Variants in GID8 observed in about 807,000 individuals in gnomAD.
The protein encoded by GID8 is glucose-induced degradation protein 8 homolog.
In GID8, 6 loss-of-function variants were observed where a neutral mutation model predicts 27.4. That is an observed-to-expected ratio of 0.22 (90% CI 0.12 to 0.43). GID8 has a LOEUF of 0.43. GID8 is among the 20% of genes least tolerant of loss of function. GID8 has a pLI of 1.00. For missense variants in GID8, 173 were observed against 287.6 expected (o/e 0.60, Z 2.88); for synonymous variants, 112 against 109.0 (o/e 1.03, Z -0.17).
chr20:62,943,517 T>C lies in GID8; in HGVS notation c.338T>C (p.Ile113Thr). The C allele has an allele frequency of 6.2e-7, 1 of 1,612,514 alleles. No individual in the cohort carries two copies. The highest frequency in any genetic ancestry group is 2.2e-5 in the East Asian group (1 of 44,878). Reference sequence around the variant, plus strand: ...CAGCAACAGCATTTGATCGAGCTGATCCGCCAGCGGGAGACAGAGGCGGCG... The same window carrying C: ...CAGCAACAGCATTTGATCGAGCTGACCCGCCAGCGGGAGACAGAGGCGGCG... ...HLQQQHLIELIRQRETEAALE... is the reference protein window; with the variant it reads ...HLQQQHLIELTRQRETEAALE... Residue 113 changes from isoleucine (I) to threonine (T), a missense_variant, in exon 4 of 5, where the codon ATC becomes ACC. Ile to Thr is a moderately conservative substitution (Grantham distance 89). Coordinates refer to ENST00000266069, the MANE Select transcript of GID8 (RefSeq NM_017896.3). The surrounding 1 kb of genome is among the most constrained non-coding windows in gnomAD (Gnocchi z 4.7).
rs2065450069 is a variant in GID8, at chr20:62,942,999, A to G, written c.131A>G (p.Glu44Gly). 1 of 1,612,568 alleles carries G rather than the reference A, an allele frequency of 6.2e-7. No homozygotes were observed. The highest frequency in any genetic ancestry group is 8.5e-7 in the Non-Finnish European group (1 of 1,178,698). Residue 44 changes from glutamate to glycine, a missense_variant, in exon 3 of 5, where the codon GAA (glutamate) becomes GGA (glycine). By Grantham distance (98) the Glu-to-Gly change is moderately conservative. Transcript: ENST00000266069. ...TTTTTCTATTCAGAGGGCTTTAAGG[A>G]AGCAGCGGAGAAGTTTCGAATGGAA... ...MNYLVTEGFK[E>G]AAEKFRMESG... is the part of the protein sequence containing the mutation.
chr20:62,945,086 C>T lies in GID8; in HGVS notation c.*174C>T. ...AATGGCCTTTGTAGGCAGTGGAAAACTTGCAAGGAAAGCTGCCGTCTCTTT... is the reference window on the plus strand; with the variant it reads ...AATGGCCTTTGTAGGCAGTGGAAAATTTGCAAGGAAAGCTGCCGTCTCTTT... On this transcript the variant is annotated 3_prime_UTR_variant, in exon 5 of 5. Coordinates refer to ENST00000266069, the MANE Select transcript of GID8 (RefSeq NM_017896.3). The T allele has an allele frequency of 1.4e-6, 2 of 1,410,416 alleles. No individual in the cohort carries two copies. Among genetic ancestry groups the T allele is most frequent in the Non-Finnish European group, 1.8e-6 (2 of 1,085,322 alleles). The allele number at this position is 1,410,416 out of a possible 1,614,324, so 87.4% of individuals were successfully genotyped here.
chr20:62,943,681 C>A lies in GID8; in HGVS notation c.502C>A (p.Gln168Lys). The stretch of plus-strand genomic sequence containing the variant: ...CTTCGGAGACCTCCTCCACACCATG[C>A]AGAGGCAGAAGGTGGGGCCTGCCAG... ...SPFGDLLHTM[Q>K]RQKVWSEVNQ... is the part of the protein sequence containing the mutation. The change falls in exon 4 of 5, where the codon CAG (glutamine) becomes AAG (lysine). Residue 168 changes from glutamine (Q) to lysine (K), a missense_variant. By Grantham distance (53) the Gln-to-Lys change is moderately conservative. Coordinates refer to ENST00000266069, the MANE Select transcript of GID8 (RefSeq NM_017896.3). The surrounding 1 kb of genome is among the most constrained non-coding windows in gnomAD (Gnocchi z 4.7). The A allele has an allele frequency of 6.2e-7, 1 of 1,612,758 alleles. No individual in the cohort carries two copies.
chr20:62,938,404 C>G (rs1313167968), intron 1 of GID8, among the ~76,000 whole-genome samples, 151 bp downstream of exon 1: 1 of 151,688 alleles, frequency 6.6e-6, no homozygotes, highest in African/African-American at 2.4e-5. Flanking sequence ...TTGGGGCGCG[C>G]AGTGAGTCCA....
chr20:62,945,921 G>T lies in GID8; in HGVS notation c.*1009G>T. On this transcript the variant is annotated 3_prime_UTR_variant, in exon 5 of 5. Transcript: ENST00000266069. Reference sequence around the variant, plus strand: ...GGCAGCATCTCATCCTCCATCGTCAGCTGGCTCTGCCGATGTCCTGCTTCT... The same window carrying T: ...GGCAGCATCTCATCCTCCATCGTCATCTGGCTCTGCCGATGTCCTGCTTCT... 7.8e-7 allele frequency: 1 copy of T among 1,289,468 alleles called. No individual in the cohort carries two copies. The highest frequency in any genetic ancestry group is 1.2e-5 in the South Asian group (1 of 81,032). The allele number at this position is 1,289,468 out of a possible 1,614,324, so 79.9% of individuals were successfully genotyped here.
In GID8 at chr20:62,945,979, T is replaced by G; in HGVS notation, c.*1067T>G. The G allele has an allele frequency of 7.8e-7, 1 of 1,289,388 alleles. No individual in the cohort carries two copies. The highest frequency in any genetic ancestry group is 1.0e-6 in the Non-Finnish European group (1 of 988,822). 79.9% of individuals were successfully genotyped at this position (1,289,388 alleles called of 1,614,324 possible). ...CACAGAACTGTCCCCTGCTCCGTGG[T>G]GGGCAGGAGGGAAGTGGTGCAGGGC... On this transcript the variant is annotated 3_prime_UTR_variant, in exon 5 of 5. Coordinates refer to ENST00000266069, the MANE Select transcript of GID8 (RefSeq NM_017896.3).
At position 62,943,225 on chromosome 20, in the gene GID8, T is replaced by TA; in HGVS notation, c.315+44dup. On this transcript the variant is annotated intron_variant, in intron 3 of 4. Transcript: ENST00000266069. The surrounding 1 kb of genome is among the most constrained non-coding windows in gnomAD (Gnocchi z 4.7). ...AGTAGTCTGGTTTGTGAATACTTGA[T>TA]AAGTTAAAGTTATTTGCAATGATTG... The TA allele has an allele frequency of 1.4e-6, 2 of 1,403,028 alleles. No individual in the cohort carries two copies. Among genetic ancestry groups the TA allele is most frequent in the African/African-American group, 1.5e-5 (1 of 68,400 alleles). The allele number at this position is 1,403,028 out of a possible 1,614,324, so 86.9% of individuals were successfully genotyped here.
chr20:62,939,530 A>G (rs772033586), intron 1 of GID8, among the ~76,000 whole-genome samples: 8 of 152,082 alleles, frequency 5.3e-5, no homozygotes, highest in Non-Finnish European at 7.3e-5. Flanking sequence ...AGTCACGTCA[A>G]ACTTGCCCTG....
At chr20:62,938,617 A>C (rs2065419110) in intron 1 of GID8, 1 of 152,178 alleles carries the variant, frequency 6.6e-6, no homozygotes, top group Non-Finnish European at 1.5e-5. Context: ...GCGGGTGAGG[A>C]TGTAAAGTGT....
chr20:62,940,508 C>G (rs1276551664), intron 1 of GID8, among the ~76,000 whole-genome samples: 1 of 152,166 alleles, frequency 6.6e-6, no homozygotes, highest in African/African-American at 2.4e-5. Flanking sequence ...CGCCACCGAG[C>G]ACGGCTAATT....
At chr20:62,941,201 TAA>T (rs529368421) in intron 1 of GID8, among the ~76,000 whole-genome samples, 118 of 152,360 alleles carry the variant, frequency 7.7e-4, no homozygotes, top group Admixed American at 1.2e-3. Context: ...ATAAATGTAT[TAA>T]AAGTAGAATT....
At chr20:62,944,615 A>AT (rs2065457554) in intron 4 of GID8, 124 bp from the exon 5 acceptor site, 2 of 705,006 alleles carry the variant, frequency 2.8e-6, no homozygotes, top group Non-Finnish European at 5.0e-6. Context: ...AGGACTATGT[A>AT]TTTCATGTCC....
chr20:62,942,751 A>G (rs1000257014), intron 2 of GID8, among the ~76,000 whole-genome samples: 8 of 152,188 alleles, frequency 5.3e-5, no homozygotes, highest in Non-Finnish European at 1.2e-4. Context: ...CTCTTTGGCT[A>G]ATGGGTTAGA....
Position 62,945,424 on chromosome 20 carries a change from C to A in GID8, c.*512C>A. ...TGTAAATCCTAATTCAAAGATGGCT[C>A]ATGTGTGAGGGCATTGAGTTTGATT... On this transcript the variant is annotated 3_prime_UTR_variant, in exon 5 of 5. Coordinates refer to ENST00000266069, the MANE Select transcript of GID8 (RefSeq NM_017896.3). 1.0e-6 allele frequency: 1 copy of A among 987,462 alleles called. No homozygotes were observed. The allele number at this position is 987,462 out of a possible 1,614,324, so 61.2% of individuals were successfully genotyped here. A position where few individuals can be genotyped will look rare whatever the true frequency, so the allele number is the denominator to read the frequency against.
At position 62,946,072 on chromosome 20, in the gene GID8, G is replaced by A; in HGVS notation, c.*1160G>A. The A allele has an allele frequency of 8.0e-7, 1 of 1,247,652 alleles. No individual in the cohort carries two copies. Among genetic ancestry groups the A allele is most frequent in the South Asian group, 1.2e-5 (1 of 80,026 alleles). The allele number at this position is 1,247,652 out of a possible 1,614,324, so 77.3% of individuals were successfully genotyped here. On this transcript the variant is annotated 3_prime_UTR_variant, in exon 5 of 5. Transcript: ENST00000266069. ...GCCTTGTAGCTCTGGGCACAGATGT[G>A]TTTGGATTCATTGCAGCGGACCACC...
Position 62,947,775 on chromosome 20 carries a change from G to A in GID8, c.*2863G>A, listed in dbSNP as rs1381110157. The A allele has an allele frequency of 6.6e-6, 1 of 152,242 alleles. No homozygotes were observed. Among genetic ancestry groups the A allele is most frequent in the East Asian group, 1.9e-4 (1 of 5,202 alleles). The allele number at this position is 152,242 out of a possible 1,614,324, so 9.4% of individuals were successfully genotyped here. A position where few individuals can be genotyped will look rare whatever the true frequency, so the allele number is the denominator to read the frequency against. On this transcript the variant is annotated 3_prime_UTR_variant, in exon 5 of 5. Coordinates refer to ENST00000266069, the MANE Select transcript of GID8 (RefSeq NM_017896.3). ...TCCACGGAAGCCTCGGGGAGGTGGA[G>A]CTGCTCCTTCCATTCCGTCAGGACG...
At position 62,944,960 on chromosome 20, in the gene GID8, C is replaced by G; in HGVS notation, c.*48C>G. ...CCAACACCAGCCCTGCGTCGTGGGA[C>G]TTGCCTCAGATCAGCCTGCGACTGC... On this transcript the variant is annotated 3_prime_UTR_variant, in exon 5 of 5. Coordinates refer to ENST00000266069, the MANE Select transcript of GID8 (RefSeq NM_017896.3). 6.4e-7 allele frequency: 1 copy of G among 1,564,532 alleles called. No individual in the cohort carries two copies. Among genetic ancestry groups the G allele is most frequent in the Non-Finnish European group, 8.7e-7 (1 of 1,153,416 alleles).
chr20:62,945,924 G>A lies in GID8; in HGVS notation c.*1012G>A, dbSNP rs984261059. The A allele has an allele frequency of 5.4e-6, 7 of 1,289,120 alleles. No individual in the cohort carries two copies. The highest frequency in any genetic ancestry group is 3.0e-5 in the African/African-American group (2 of 65,878). 79.9% of individuals were successfully genotyped at this position (1,289,120 alleles called of 1,614,324 possible). A position where few individuals can be genotyped will look rare whatever the true frequency, so the allele number is the denominator to read the frequency against. The stretch of plus-strand genomic sequence containing the variant: ...AGCATCTCATCCTCCATCGTCAGCT[G>A]GCTCTGCCGATGTCCTGCTTCTGTT... On this transcript the variant is annotated 3_prime_UTR_variant, in exon 5 of 5. Transcript: ENST00000266069.
In GID8 at chr20:62,943,434, A is replaced by G; in HGVS notation, c.316-61A>G. On this transcript the variant is annotated intron_variant, in intron 3 of 4. Transcript: ENST00000266069. This position sits in a 1 kb window ranked among gnomAD's most constrained non-coding sequence, Gnocchi z 4.7. Reference sequence around the variant, plus strand: ...GTACTTTTGATTGGGACCTGGTACCACCTGCCCTAAGTCCCTGGCCTGGGT... The same window carrying G: ...GTACTTTTGATTGGGACCTGGTACCGCCTGCCCTAAGTCCCTGGCCTGGGT... The G allele has an allele frequency of 2.1e-6, 3 of 1,447,982 alleles. No individual in the cohort carries two copies. The highest frequency in any genetic ancestry group is 2.9e-6 in the Non-Finnish European group (3 of 1,033,162). The allele number at this position is 1,447,982 out of a possible 1,614,324, so 89.7% of individuals were successfully genotyped here.
Sources: gnomAD v4.1 joint callset for allele counts (sites outside exome capture counted in the v4.1 genomes callset) on GRCh38, gnomAD v4.1.1 for gene constraint, Gnocchi (gnomAD v3.1) non-coding constraint, MANE v1.5 for transcripts, NCBI Gene and HGNC (gene_info 2026-07-23, HGNC 2026-07-21) for gene names.